The following KCNIP4 variants were observed in gnomAD, a reference collection of about 807,000 sequenced individuals.
The protein encoded by KCNIP4 is potassium voltage-gated channel interacting protein 4, also known as Kv channel-interacting protein 4.
Under a neutral mutation model 34.0 loss-of-function variants are expected in KCNIP4, and 12 were observed. That is an observed-to-expected ratio of 0.35 (90% CI 0.23 to 0.57). The LOEUF (loss-of-function observed/expected upper bound fraction) is 0.57. Ranked by LOEUF, KCNIP4 falls within the 20% of genes least tolerant of loss-of-function variation. The pLI is 0.83. For synonymous variants in KCNIP4, 124 were observed against 102.2 expected (o/e 1.21, Z -1.29); for missense variants, 238 against 311.7 (o/e 0.76, Z 1.78).
At chr4:21,923,794 A>G (rs1419655826) in intron 1 of KCNIP4, among the ~76,000 whole-genome samples, 1 of 152,134 alleles carries the variant, frequency 6.6e-6, no homozygotes, top group Non-Finnish European at 1.5e-5. Context: ...AATTGTTTAA[A>G]TGTTCATGTA....
Position 21,439,235 on chromosome 4 carries a change from G to T in KCNIP4, c.61+509336C>A, listed in dbSNP as rs139582035. On this transcript the variant is annotated intron_variant, in intron 1 of 8. Transcript: ENST00000382152. ...CCTTGTCTGGCCATCACCTGCACCTGCCTATGTCTCTCCTATGATGTGGGA... is the reference window on the plus strand; with the variant it reads ...CCTTGTCTGGCCATCACCTGCACCTTCCTATGTCTCTCCTATGATGTGGGA... 5.3e-3 allele frequency among the ~76,000 whole-genome samples: 806 copies of T among 151,672 alleles called. 1 individual carries two copies. Among genetic ancestry groups the T allele is most frequent in the Middle Eastern group, 0.01 (3 of 288 alleles).
chr4:21,228,366 A>C (rs1054964859), intron 1 of KCNIP4, among the ~76,000 whole-genome samples: 1 of 152,124 alleles, frequency 6.6e-6, no homozygotes, highest in Non-Finnish European at 1.5e-5. Context: ...CATGATTGTA[A>C]GTTTCCTGAG....
intron 1 of KCNIP4, chr4:21,304,122 G>T: frequency 1.8e-6 from 1 of 552,446 alleles, no homozygotes; most frequent in Non-Finnish European, 2.8e-6. Flanking sequence ...AGGAGAGAGA[G>T]GGAGAGAGAG....
intron 3 of KCNIP4, among the ~76,000 whole-genome samples, chr4:20,801,206 G>A (rs1439824945): frequency 6.6e-6 from 1 of 150,518 alleles, no homozygotes; most frequent in Non-Finnish European, 1.5e-5. Context: ...AATAAAAGAG[G>A]CATAAAATAT....
At chr4:21,462,932 G>A (rs1729598218) in intron 1 of KCNIP4, among the ~76,000 whole-genome samples, 1 of 150,636 alleles carries the variant, frequency 6.6e-6, no homozygotes, top group Non-Finnish European at 1.5e-5. Context: ...GAACATTTAG[G>A]TTGATTCCAT....
intron 1 of KCNIP4, among the ~76,000 whole-genome samples, chr4:21,678,217 G>A (rs566326433): frequency 9.9e-5 from 15 of 151,778 alleles, no homozygotes; most frequent in African/African-American, 3.1e-4. Flanking sequence ...ATACATGAAT[G>A]AGCATGGCCA....
chr4:21,278,200 AT>A (rs1291556162), intron 1 of KCNIP4, among the ~76,000 whole-genome samples: 4 of 152,134 alleles, frequency 2.6e-5, no homozygotes, highest in Non-Finnish European at 5.9e-5. Context: ...GGTAAAGATA[AT>A]TCTTTGTTAA....
intron 1 of KCNIP4, among the ~76,000 whole-genome samples, chr4:21,605,049 T>C (rs1743526806): frequency 1.3e-5 from 2 of 152,196 alleles, no homozygotes; most frequent in African/African-American, 4.8e-5. Flanking sequence ...CAGCAAGTCT[T>C]CTTTGGTGGG....
rs1292779203 is a variant in KCNIP4 at position 20,999,423 on chromosome 4, T to G, written c.62-116714A>C. ...TTTTTGTTGTGGTGGTGTTTTTTTT[T>G]TTTGTTTGTTTTTTGTTTTTTTTTT... On this transcript the variant is annotated intron_variant, in intron 1 of 8. Coordinates refer to ENST00000382152, the MANE Select transcript of KCNIP4 (RefSeq NM_025221.6). Among the ~76,000 whole-genome samples the G allele has an allele frequency of 2.1e-3, 80 of 38,244 alleles. 1 individual carries two copies. In the South Asian group the frequency reaches 0.027, roughly 13 times the overall value. The allele number at this position is 38,244 out of a possible 152,430, so 25.1% of individuals were successfully genotyped here.
intron 1 of KCNIP4, among the ~76,000 whole-genome samples, chr4:21,497,854 C>T (rs563095866): frequency 2.6e-5 from 4 of 152,104 alleles, no homozygotes; most frequent in South Asian, 4.1e-4. Context: ...AATTACAATA[C>T]AATAAAAACG....
intron 1 of KCNIP4, among the ~76,000 whole-genome samples, chr4:21,549,202 C>A (rs1056422674): frequency 6.6e-6 from 1 of 152,034 alleles, no homozygotes; most frequent in Non-Finnish European, 1.5e-5. Flanking sequence ...ATGTTTACTA[C>A]TTGCCAGACA....
intron 1 of KCNIP4, among the ~76,000 whole-genome samples, chr4:21,700,641 T>C (rs916826217): frequency 6.6e-6 from 1 of 152,196 alleles, no homozygotes; most frequent in African/African-American, 2.4e-5. Context: ...TTATTGTCTG[T>C]GCTTTTGGGG....
At position 21,321,907 on chromosome 4, in the gene KCNIP4, G is replaced by GGGAA. The variant is rs1177806301; in HGVS notation, c.62-439202_62-439199dup. ...AAGGAAGGAGGGAGGAAGGGACAGA[G>GGGAA]GGAAGGAAGGAAGGAAAAAGGTGGG... On this transcript the variant is annotated intron_variant, in intron 1 of 8. Coordinates refer to ENST00000382152, the MANE Select transcript of KCNIP4 (RefSeq NM_025221.6). Among the ~76,000 whole-genome samples, 25 of 136,132 alleles carry GGGAA rather than the reference G, an allele frequency of 1.8e-4. 1 individual carries two copies. Among genetic ancestry groups the GGGAA allele is most frequent in the Non-Finnish European group, 2.1e-4 (13 of 62,836 alleles). 89.3% of individuals were successfully genotyped at this position (136,132 alleles called of 152,430 possible).
intron 1 of KCNIP4, among the ~76,000 whole-genome samples, chr4:21,245,061 T>C (rs1342317310): frequency 6.6e-6 from 1 of 152,216 alleles, no homozygotes; most frequent in Non-Finnish European, 1.5e-5. Context: ...GCATGGGTTT[T>C]AGTGTGATGA....
chr4:21,480,406 C>T (rs17524714), intron 1 of KCNIP4, among the ~76,000 whole-genome samples: 1 of 151,918 alleles, frequency 6.6e-6, no homozygotes, highest in East Asian at 1.9e-4. Flanking sequence ...ACAAATTATA[C>T]TGGGCTTATA....
intron 1 of KCNIP4, among the ~76,000 whole-genome samples, chr4:21,234,134 C>T (rs1319172923): frequency 2.7e-5 from 2 of 75,086 alleles, no homozygotes; most frequent in East Asian, 3.4e-4. Context: ...ACATATATAA[C>T]GTATATTATA....
chr4:20,899,448 G>T (rs1283457557), intron 1 of KCNIP4, among the ~76,000 whole-genome samples: 1 of 152,058 alleles, frequency 6.6e-6, no homozygotes, highest in Non-Finnish European at 1.5e-5. Context: ...GCAGCTGAGG[G>T]GTTATGTCCT....
At chr4:21,035,486 G>A (rs560655318) in intron 1 of KCNIP4, among the ~76,000 whole-genome samples, 14 of 152,110 alleles carry the variant, frequency 9.2e-5, no homozygotes, top group Middle Eastern at 3.2e-3. Flanking sequence ...AACAATCTTC[G>A]TTTCACAAGT....
intron 1 of KCNIP4, among the ~76,000 whole-genome samples, chr4:21,180,555 G>T (rs17447922): frequency 6.6e-6 from 1 of 151,616 alleles, no homozygotes; most frequent in African/African-American, 2.4e-5. Flanking sequence ...TACAGCTTCA[G>T]TTTTTACAGA....
Sources: gnomAD v4.1 joint callset for allele counts (sites outside exome capture counted in the v4.1 genomes callset) on GRCh38, gnomAD v4.1.1 for gene constraint, MANE v1.5 for transcripts, NCBI Gene and HGNC (gene_info 2026-07-23, HGNC 2026-07-21) for gene names.